The following UBE2E2 variants were observed in gnomAD, a reference collection of about 807,000 sequenced individuals.
UBE2E2 encodes the protein ubiquitin-conjugating enzyme E2 E2.
UBE2E2 carries 6 observed loss-of-function variants against 24.7 expected under a neutral mutation model. That is an observed-to-expected ratio of 0.24 (90% CI 0.13 to 0.48). The LOEUF is 0.48. Ranked by LOEUF, UBE2E2 falls within the 20% of genes least tolerant of loss-of-function variation. The probability of loss-of-function intolerance (pLI) is 0.99; values close to 1 mark genes in which losing one functional copy is unlikely to be tolerated. For synonymous variants in UBE2E2, 104 were observed against 83.6 expected (o/e 1.24, Z -1.33); for missense variants, 169 against 245.0 (o/e 0.69, Z 2.07).
At chr3:23,381,309 A>G (rs1470245765) in intron 3 of UBE2E2, among the ~76,000 whole-genome samples, 1 of 152,228 alleles carries the variant, frequency 6.6e-6, no homozygotes, top group East Asian at 1.9e-4. Flanking sequence ...AATGTGTAGA[A>G]AAATATTCCT....
chr3:23,316,989 A>C (rs1292771531), intron 3 of UBE2E2, among the ~76,000 whole-genome samples: 1 of 152,104 alleles, frequency 6.6e-6, no homozygotes, highest in Non-Finnish European at 1.5e-5. Context: ...TATAAGTCAA[A>C]GTCCTCTTTA....
Position 23,425,889 on chromosome 3 carries a change from G to C in UBE2E2, c.228-73719G>C, listed in dbSNP as rs562786102. On this transcript the variant is annotated intron_variant, in intron 3 of 5. Coordinates refer to ENST00000396703, the MANE Select transcript of UBE2E2 (RefSeq NM_152653.4). The stretch of plus-strand genomic sequence containing the variant: ...TAGAAGGCAAATAATACACTTCGAA[G>C]AGACAGAACAAGCAACAGAACCAGA... Among the ~76,000 whole-genome samples the C allele has an allele frequency of 5.9e-5, 9 of 152,164 alleles. No individual in the cohort carries two copies. In the South Asian group the frequency reaches 1.9e-3, roughly 32 times the overall value.
At chr3:23,341,188 C>T (rs1695379090) in intron 3 of UBE2E2, among the ~76,000 whole-genome samples, 1 of 152,024 alleles carries the variant, frequency 6.6e-6, no homozygotes, top group Non-Finnish European at 1.5e-5. Flanking sequence ...AGACTACAGA[C>T]CTAAAGAGCA....
chr3:23,404,575 A>G (rs1300810838), intron 3 of UBE2E2, among the ~76,000 whole-genome samples: 2 of 152,194 alleles, frequency 1.3e-5, no homozygotes, highest in East Asian at 1.9e-4. Flanking sequence ...TTGGAATTGT[A>G]TAAGTAACAG....
At chr3:23,496,134 G>A (rs937730933) in intron 3 of UBE2E2, among the ~76,000 whole-genome samples, 18 of 152,122 alleles carry the variant, frequency 1.2e-4, no homozygotes, top group Admixed American at 2.0e-4. Context: ...CATACAGTAG[G>A]ACCTGTAAAT....
intron 5 of UBE2E2, among the ~76,000 whole-genome samples, chr3:23,581,399 A>G (rs1489956993): frequency 6.6e-6 from 1 of 152,218 alleles, no homozygotes; most frequent in Non-Finnish European, 1.5e-5. Context: ...CTTGGGAGCC[A>G]TGCTGAGTTT....
intron 3 of UBE2E2, among the ~76,000 whole-genome samples, chr3:23,437,048 G>A (rs1698200036): frequency 6.6e-6 from 1 of 152,150 alleles, no homozygotes; most frequent in Non-Finnish European, 1.5e-5. Context: ...CCTAACCCAG[G>A]CCCACAGGCC....
chr3:23,394,179 C>G (rs1697019717), intron 3 of UBE2E2, among the ~76,000 whole-genome samples: 1 of 152,126 alleles, frequency 6.6e-6, no homozygotes, highest in Non-Finnish European at 1.5e-5. Context: ...CGTATGTGGG[C>G]CTGCAGTCCC....
intron 4 of UBE2E2, among the ~76,000 whole-genome samples, chr3:23,508,138 T>G (rs1185623348): frequency 1.3e-5 from 2 of 152,240 alleles, no homozygotes; most frequent in Non-Finnish European, 2.9e-5. Flanking sequence ...GATAAACTTT[T>G]AATAATGGCA....
At chr3:23,526,403 C>CAAA (rs1415967142) in intron 4 of UBE2E2, among the ~76,000 whole-genome samples, 2 of 152,092 alleles carry the variant, frequency 1.3e-5, no homozygotes, top group African/African-American at 4.8e-5. Flanking sequence ...CGCTCTTTTA[C>CAAA]CTAAAAAACA....
intron 5 of UBE2E2, among the ~76,000 whole-genome samples, chr3:23,573,730 C>G (rs910695494): frequency 2.6e-5 from 4 of 152,288 alleles, no homozygotes; most frequent in Admixed American, 2.0e-4. Flanking sequence ...GGTGGTTCCT[C>G]CACACTTGCA....
intron 3 of UBE2E2, among the ~76,000 whole-genome samples, chr3:23,372,657 G>A (rs933477579): frequency 2.6e-5 from 4 of 152,190 alleles, no homozygotes; most frequent in Admixed American, 2.6e-4. Context: ...AAGATAATGT[G>A]AAGCTGCTTT....
intron 3 of UBE2E2, among the ~76,000 whole-genome samples, chr3:23,304,093 T>C (rs910405403): frequency 6.6e-6 from 1 of 152,174 alleles, no homozygotes; most frequent in African/African-American, 2.4e-5. Context: ...GCCTGAAGAA[T>C]TGGCATTTTA....
At chr3:23,381,217 TA>T (rs2125350594) in intron 3 of UBE2E2, among the ~76,000 whole-genome samples, 1 of 152,334 alleles carries the variant, frequency 6.6e-6, no homozygotes, top group African/African-American at 2.4e-5. Flanking sequence ...TGTATAGGCT[TA>T]GAATAAAGTT....
At chr3:23,281,434 C>T (rs1698488409) in intron 3 of UBE2E2, among the ~76,000 whole-genome samples, 1 of 152,080 alleles carries the variant, frequency 6.6e-6, no homozygotes, top group Admixed American at 6.6e-5. Flanking sequence ...AGTTTGAGAC[C>T]AGCCTGGGCA....
At chr3:23,504,900 CAGACA>C in intron 4 of UBE2E2, among the ~76,000 whole-genome samples, 1 of 88,476 alleles carries the variant, frequency 1.1e-5, no homozygotes, top group Non-Finnish European at 2.3e-5. Flanking sequence ...GTTTCTGTTT[CAGACA>C]TTCTTTCTTT....
Position 23,345,976 on chromosome 3 carries a change from T to C in UBE2E2, c.227+128664T>C, listed in dbSNP as rs142490141. Among the ~76,000 whole-genome samples the C allele has an allele frequency of 1.8e-3, 268 of 152,326 alleles. 2 individuals carry two copies. Among genetic ancestry groups the C allele is most frequent in the Non-Finnish European group, 2.0e-3 (134 of 68,034 alleles). Reference sequence around the variant, plus strand: ...CGGCAGACAGCAGAAACTAATGGTTTTCAACTGTTGCTGATCTAATCAATC... The same window carrying C: ...CGGCAGACAGCAGAAACTAATGGTTCTCAACTGTTGCTGATCTAATCAATC... On this transcript the variant is annotated intron_variant, in intron 3 of 5. Coordinates refer to ENST00000396703, the MANE Select transcript of UBE2E2 (RefSeq NM_152653.4).
intron 3 of UBE2E2, among the ~76,000 whole-genome samples, chr3:23,360,547 G>A (rs2047340): frequency 0.73 from 111,385 of 152,082 alleles, 41,078 homozygotes; most frequent in African/African-American, 0.81. Context: ...TAGAAGAAGA[G>A]ATAATAATGA....
chr3:23,432,012 G>A (rs551805515), intron 3 of UBE2E2, among the ~76,000 whole-genome samples: 1 of 152,248 alleles, frequency 6.6e-6, no homozygotes, highest in African/African-American at 2.4e-5. Context: ...AAAGCATGTA[G>A]GCAAACGCTA....
Sources: allele counts gnomAD v4.1 joint callset (sites outside exome capture counted in the v4.1 genomes callset), GRCh38; gene constraint gnomAD v4.1.1; transcripts MANE v1.5; gene names NCBI Gene and HGNC (gene_info 2026-07-23, HGNC 2026-07-21).